The following SPAG9 variants were observed in gnomAD, a reference collection of about 807,000 sequenced individuals.
The protein encoded by SPAG9 is sperm associated antigen 9.
SPAG9 carries 35 observed loss-of-function variants against 166.5 expected under a neutral mutation model. That is an observed-to-expected ratio of 0.21 (90% CI 0.16 to 0.28). The LOEUF is 0.28. Ranked by LOEUF, SPAG9 falls within the 10% of genes least tolerant of loss-of-function variation. The probability of loss-of-function intolerance (pLI) is 1.00; values close to 1 mark genes in which losing one functional copy is unlikely to be tolerated. For synonymous variants in SPAG9, 534 were observed against 565.5 expected (o/e 0.94, Z 0.79); for missense variants, 1,235 against 1,603.3 (o/e 0.77, Z 3.92).
chr17:51,040,664 G>C (rs1807703468), intron 5 of SPAG9, among the ~76,000 whole-genome samples: 1 of 152,114 alleles, frequency 6.6e-6, no homozygotes, highest in African/African-American at 2.4e-5. Context: ...GAGTCTAGAG[G>C]CAACTAAATA....
At chr17:51,095,381 G>A (rs909887497) in intron 1 of SPAG9, among the ~76,000 whole-genome samples, 2 of 150,898 alleles carry the variant, frequency 1.3e-5, no homozygotes, top group Non-Finnish European at 2.9e-5. Context: ...AGACTGAAGG[G>A]GCAGATCATG....
chr17:51,023,311 A>C (rs2046019532), intron 6 of SPAG9: 1 of 162,282 alleles, frequency 6.2e-6, no homozygotes, highest in Admixed American at 6.5e-5. Flanking sequence ...ATTAATTTAT[A>C]ATATTTTAAT....
chr17:51,096,071 A>AGTGATATATAT (rs1568084260), intron 1 of SPAG9, among the ~76,000 whole-genome samples: 1 of 137,456 alleles, frequency 7.3e-6, no homozygotes, highest in African/African-American at 2.6e-5. Flanking sequence ...ATATATATAT[A>AGTGATATATAT]AAGTGGTTTC....
intron 2 of SPAG9, among the ~76,000 whole-genome samples, chr17:51,060,337 T>C (rs569214792): frequency 6.6e-6 from 1 of 152,038 alleles, no homozygotes; most frequent in Admixed American, 6.6e-5. Context: ...ACCCTGTTTC[T>C]ACTAAAAATA....
At chr17:51,017,618 T>C (rs1055362126) in intron 8 of SPAG9, among the ~76,000 whole-genome samples, 3 of 152,128 alleles carry the variant, frequency 2.0e-5, no homozygotes, top group Non-Finnish European at 4.4e-5. Flanking sequence ...ACAAGCTACT[T>C]TGAACAAGTT....
At position 50,970,849 on chromosome 17, in the gene SPAG9, G is replaced by T. The variant is rs747522271; in HGVS notation, c.3708C>A (p.Val1236=). Residue 1236 remains valine (V), a synonymous_variant, in exon 29 of 30, where the codon GTC becomes GTA. Coordinates refer to ENST00000262013, the MANE Select transcript of SPAG9 (RefSeq NM_001130528.3). ...VKFFVAVPGQ[V]ISPQSSSSGT... ...CACTACTGCTACTTTGTGGGCTGATGACTTGACCTGTTTTATACAGAAACA... is the reference window on the plus strand; with the variant it reads ...CACTACTGCTACTTTGTGGGCTGATTACTTGACCTGTTTTATACAGAAACA... The T allele has an allele frequency of 3.8e-5, 62 of 1,613,534 alleles. No homozygotes were observed. Among genetic ancestry groups the T allele is most frequent in the Non-Finnish European group, 5.3e-5 (62 of 1,179,808 alleles).
At chr17:51,017,442 C>G (rs1455937578) in intron 8 of SPAG9, among the ~76,000 whole-genome samples, 1 of 151,616 alleles carries the variant, frequency 6.6e-6, no homozygotes, top group Non-Finnish European at 1.5e-5. Flanking sequence ...TATGCTCTGT[C>G]AAAACAAAGG....
At chr17:51,084,702 C>T (rs902326934) in intron 1 of SPAG9, among the ~76,000 whole-genome samples, 1 of 152,080 alleles carries the variant, frequency 6.6e-6, no homozygotes, top group African/African-American at 2.4e-5. Flanking sequence ...AGTCACTGCA[C>T]CCAGTCCAGA....
chr17:51,044,614 C>T (rs1335506981), intron 4 of SPAG9, among the ~76,000 whole-genome samples: 16 of 152,310 alleles, frequency 1.1e-4, no homozygotes, highest in Non-Finnish European at 8.8e-5. Flanking sequence ...ACACTCACCA[C>T]GTGGTGGGTA....
intron 6 of SPAG9, among the ~76,000 whole-genome samples, chr17:51,023,937 A>T (rs2046048905): frequency 6.6e-6 from 1 of 152,350 alleles, no homozygotes; most frequent in East Asian, 1.9e-4. Context: ...AAGTGCTGGG[A>T]TTACAGGCGT....
chr17:51,044,444 C>A (rs2046950179), intron 4 of SPAG9, among the ~76,000 whole-genome samples: 1 of 152,094 alleles, frequency 6.6e-6, no homozygotes. Context: ...TTCCATATAT[C>A]CATTTTTGAG....
chr17:51,048,064 T>C (rs1307902921), intron 3 of SPAG9, among the ~76,000 whole-genome samples: 1 of 152,118 alleles, frequency 6.6e-6, no homozygotes. Flanking sequence ...CTGGTATCAT[T>C]ACTTGGTATA....
At chr17:50,968,573 A>C (rs1163477656) in intron 29 of SPAG9, among the ~76,000 whole-genome samples, 1 of 152,020 alleles carries the variant, frequency 6.6e-6, no homozygotes, top group East Asian at 1.9e-4. Flanking sequence ...TCTACTAAAA[A>C]TACAAAAATT....
At position 51,030,625 on chromosome 17, in the gene SPAG9, T is replaced by A. The variant is rs4794201; in HGVS notation, c.783+1056A>T. 8.4e-3 allele frequency among the ~76,000 whole-genome samples: 1,285 copies of A among 152,184 alleles called. 43 individuals carry two copies. The highest frequency in any genetic ancestry group is 0.073 in the Admixed American group (1,107 of 15,264). ...TTTCAAATAATTTGACTCCTAAGAG[T>A]CTGTGACCCAAAGGAAACACTAAAA... is the stretch of plus-strand genomic sequence containing the variant. On this transcript the variant is annotated intron_variant, in intron 6 of 29. Coordinates refer to ENST00000262013, the MANE Select transcript of SPAG9 (RefSeq NM_001130528.3).
chr17:51,076,187 C>T (rs906954051), intron 2 of SPAG9, among the ~76,000 whole-genome samples: 5 of 151,928 alleles, frequency 3.3e-5, no homozygotes, highest in East Asian at 1.9e-4. Flanking sequence ...TTTGGGAGGC[C>T]GAGGCGGGCG....
At chr17:50,976,581 T>C (rs189916072) in intron 27 of SPAG9, 30 of 153,218 alleles carry the variant, frequency 2.0e-4, no homozygotes, top group African/African-American at 7.2e-4. Flanking sequence ...TAATGGATGA[T>C]TAATGTAATG....
intron 27 of SPAG9, 38 bp from the exon 28 acceptor site, chr17:50,974,985 A>G (rs1287408172): frequency 6.3e-7 from 1 of 1,586,452 alleles, no homozygotes; most frequent in African/African-American, 1.4e-5. Flanking sequence ...ATTTTCCCCT[A>G]GAAAACAGTA....
At chr17:50,969,928 C>T (rs1293129906) in intron 29 of SPAG9, among the ~76,000 whole-genome samples, 1 of 152,166 alleles carries the variant, frequency 6.6e-6, no homozygotes, top group Non-Finnish European at 1.5e-5. Flanking sequence ...CTGCACTGTT[C>T]TATAATCTAT....
chr17:51,115,461 C>G (rs1485615727), intron 1 of SPAG9, among the ~76,000 whole-genome samples: 1 of 148,006 alleles, frequency 6.8e-6, no homozygotes, highest in Non-Finnish European at 1.5e-5. Context: ...AAAGCAGACA[C>G]AAAATCACAT....
Sources: gnomAD v4.1 joint callset for allele counts (sites outside exome capture counted in the v4.1 genomes callset) on GRCh38, gnomAD v4.1.1 for gene constraint, MANE v1.5 for transcripts, NCBI Gene and HGNC (gene_info 2026-07-23, HGNC 2026-07-21) for gene names.